Variants in B4GALT5 observed in about 807,000 individuals in gnomAD.
The protein encoded by B4GALT5 is UDP-Gal:beta-GlcNAc beta-1,4-galactosyltransferase 5.
In B4GALT5, 11 loss-of-function variants were observed where a neutral mutation model predicts 45.0. The observed-to-expected ratio is 0.24, with a 90% CI of 0.15 to 0.40. B4GALT5 has a LOEUF of 0.40. Ranked by LOEUF, B4GALT5 falls within the 10% of genes least tolerant of loss-of-function variation. The pLI is 1.00. For missense variants in B4GALT5, 337 were observed against 500.2 expected, an observed-to-expected ratio of 0.67 and a Z score of 3.11; for synonymous variants, 185 against 182.9, an observed-to-expected ratio of 1.01 and a Z score of -0.09.
chr20:49,673,712 G>A (rs551480581), intron 1 of B4GALT5, among the ~76,000 whole-genome samples: 1 of 152,242 alleles, frequency 6.6e-6, no homozygotes, highest in African/African-American at 2.4e-5. Context: ...TGCAATAATA[G>A]TACTTTGATT....
chr20:49,679,661 G>T (rs1368916647), intron 1 of B4GALT5, among the ~76,000 whole-genome samples: 1 of 151,478 alleles, frequency 6.6e-6, no homozygotes, highest in African/African-American at 2.4e-5. Context: ...GGGCAACAAA[G>T]TGAGACTACA....
chr20:49,697,611 A>G (rs1485768896), intron 1 of B4GALT5, among the ~76,000 whole-genome samples: 4 of 150,602 alleles, frequency 2.7e-5, no homozygotes, highest in Admixed American at 6.6e-5. Context: ...ACACTCATTT[A>G]GATACCTGGT....
chr20:49,673,890 C>T (rs1299975773), intron 1 of B4GALT5, among the ~76,000 whole-genome samples: 1 of 151,822 alleles, frequency 6.6e-6, no homozygotes, highest in African/African-American at 2.4e-5. Flanking sequence ...GAAGATAATG[C>T]TTTTATTGTG....
Position 49,656,661 on chromosome 20 carries a change from T to C in B4GALT5, c.157A>G (p.Ile53Val). ...LFMMQAQGIL[I>V]RDNVRTIGAQ... ...CCGATTGTTCTCACGTTGTCCCGGA[T>C]CAGAATGCCTTGGGCTTGCATCATG... The change falls in exon 2 of 9, where the codon ATC (isoleucine) becomes GTC (valine). Residue 53 changes from isoleucine (I) to valine (V), a missense_variant. Physicochemically the swap from Ile to Val is conservative, Grantham distance 29. This residue lies in a region of B4GALT5 where 174 missense variants were observed against 207.4 expected (regional missense o/e 0.84). Transcript: ENST00000371711. 1 of 1,614,108 alleles carries C rather than the reference T, an allele frequency of 6.2e-7. No individual in the cohort carries two copies. Among genetic ancestry groups the C allele is most frequent in the Non-Finnish European group, 8.5e-7 (1 of 1,180,022 alleles).
rs756168750 is a variant in B4GALT5 at position 49,656,607 on chromosome 20, T to A, written c.211A>T (p.Ser71Cys). ...CTGCTGTTCCTCTTGGCATAAGCAC[T>A]CCGAAGCACCTGCTCATAAACCTGA... ...GAQVYEQVLR[S>C]AYAKRNSSVN... Residue 71 changes from serine (S) to cysteine (C), a missense_variant, in exon 2 of 9, where the codon AGT becomes TGT. Coordinates refer to ENST00000371711, the MANE Select transcript of B4GALT5 (RefSeq NM_004776.4). The A allele has an allele frequency of 2.5e-6, 4 of 1,614,202 alleles. No homozygotes were observed. The East Asian group carries it at 8.9e-5, about 36-fold the overall frequency.
At chr20:49,681,004 T>C (rs2085761704) in intron 1 of B4GALT5, among the ~76,000 whole-genome samples, 1 of 151,986 alleles carries the variant, frequency 6.6e-6, no homozygotes, top group Non-Finnish European at 1.5e-5. Flanking sequence ...GAGAACTACC[T>C]GAGGCCAGGA....
chr20:49,709,553 C>T (rs2085898941), intron 1 of B4GALT5, among the ~76,000 whole-genome samples: 1 of 152,156 alleles, frequency 6.6e-6, no homozygotes, highest in African/African-American at 2.4e-5. Flanking sequence ...GGGTGGATCA[C>T]TTGAGGTCGG....
intron 1 of B4GALT5, among the ~76,000 whole-genome samples, chr20:49,690,463 C>T (rs949996726): frequency 5.9e-5 from 9 of 151,352 alleles, no homozygotes; most frequent in African/African-American, 2.2e-4. Context: ...GCAGGAGAAT[C>T]ACTTGAATCT....
intron 5 of B4GALT5, 83 bp from the exon 6 acceptor site, chr20:49,640,748 T>C: frequency 1.5e-6 from 2 of 1,356,102 alleles, no homozygotes; most frequent in Non-Finnish European, 2.0e-6. Flanking sequence ...ACGAGTTTAT[T>C]AGAACCAACT....
At chr20:49,652,624 AC>A (rs947618701) in intron 2 of B4GALT5, among the ~76,000 whole-genome samples, 2 of 151,788 alleles carry the variant, frequency 1.3e-5, no homozygotes, top group Non-Finnish European at 2.9e-5. Context: ...TCACAATCTC[AC>A]AAACCAATGG....
intron 1 of B4GALT5, among the ~76,000 whole-genome samples, chr20:49,676,190 A>G (rs1240014872): frequency 6.6e-6 from 1 of 151,114 alleles, no homozygotes. Flanking sequence ...ATATATATGT[A>G]GAGAGAGAGA....
At chr20:49,711,941 C>A (rs888263838) in intron 1 of B4GALT5, among the ~76,000 whole-genome samples, 3 of 152,170 alleles carry the variant, frequency 2.0e-5, no homozygotes, top group Non-Finnish European at 4.4e-5. Context: ...TGCTACAATC[C>A]TAAAAGGCAT....
chr20:49,683,067 C>T (rs1186713069), intron 1 of B4GALT5, among the ~76,000 whole-genome samples: 1 of 151,048 alleles, frequency 6.6e-6, no homozygotes, highest in Non-Finnish European at 1.5e-5. Flanking sequence ...GCACTCCAGC[C>T]TGGTTAACAG....
chr20:49,648,101 T>C (rs2085606577), intron 2 of B4GALT5, among the ~76,000 whole-genome samples: 2 of 152,232 alleles, frequency 1.3e-5, no homozygotes, highest in South Asian at 4.1e-4. Context: ...TCTTACTATA[T>C]TCTTGTTTCA....
intron 1 of B4GALT5, among the ~76,000 whole-genome samples, chr20:49,663,744 C>T (rs1456093012): frequency 1.6e-5 from 2 of 125,148 alleles, no homozygotes; most frequent in Non-Finnish European, 1.7e-5. Context: ...ATGGGCAAAC[C>T]CTAAAACTAA....
At chr20:49,640,731 C>G in intron 5 of B4GALT5, 66 bp from the exon 6 acceptor site, 2 of 1,460,122 alleles carry the variant, frequency 1.4e-6, no homozygotes, top group Non-Finnish European at 1.8e-6. Context: ...CTTTCCTGTG[C>G]CTAAAGACGA....
rs1314491831 is a variant in B4GALT5 at position 49,635,192 on chromosome 20, A to G, written c.*1120T>C. The G allele has an allele frequency of 6.6e-6, 1 of 152,214 alleles. No individual in the cohort carries two copies. Among genetic ancestry groups the G allele is most frequent in the Non-Finnish European group, 1.5e-5 (1 of 68,082 alleles). 9.4% of individuals were successfully genotyped at this position (152,214 alleles called of 1,614,324 possible). On this transcript the variant is annotated 3_prime_UTR_variant, in exon 9 of 9. Coordinates refer to ENST00000371711, the MANE Select transcript of B4GALT5 (RefSeq NM_004776.4). Reference sequence around the variant, plus strand: ...AACTGTGGCCAAGTTCCACAAGAGAAAAAGTAAGAGGGGGAGGGATTCCCA... The same window carrying G: ...AACTGTGGCCAAGTTCCACAAGAGAGAAAGTAAGAGGGGGAGGGATTCCCA...
chr20:49,658,308 T>C (rs1375627478), intron 1 of B4GALT5, among the ~76,000 whole-genome samples: 1 of 152,160 alleles, frequency 6.6e-6, no homozygotes, highest in African/African-American at 2.4e-5. Context: ...CCAGTCACAG[T>C]AGGGGGGCAG....
chr20:49,637,683 C>T (rs2085559935), intron 7 of B4GALT5, among the ~76,000 whole-genome samples: 1 of 151,864 alleles, frequency 6.6e-6, no homozygotes, highest in Non-Finnish European at 1.5e-5. Context: ...CCTGTAATCC[C>T]AGCACTTTGG....
Sources: allele counts gnomAD v4.1 joint callset (sites outside exome capture counted in the v4.1 genomes callset), GRCh38; gene constraint gnomAD v4.1.1; regional missense constraint gnomAD v4.1.1; transcripts MANE v1.5; gene names NCBI Gene and HGNC (gene_info 2026-07-23, HGNC 2026-07-21).